The following TNFRSF10A variants were observed in gnomAD, a reference collection of about 807,000 sequenced individuals.
TNFRSF10A encodes the protein tumor necrosis factor receptor superfamily member 10A.
Under a neutral mutation model 42.8 loss-of-function variants are expected in TNFRSF10A, and 44 were observed. That is an observed-to-expected ratio of 1.03 (90% CI 0.81 to 1.32). The LOEUF (loss-of-function observed/expected upper bound fraction) is 1.32. TNFRSF10A is among the 40% of genes most tolerant of loss of function. The pLI is 0.00. For missense variants in TNFRSF10A, 680 were observed against 602.0 expected, an observed-to-expected ratio of 1.13 and a Z score of -1.36; for synonymous variants, 259 against 234.2, an observed-to-expected ratio of 1.11 and a Z score of -0.97.
At chr8:23,207,255 T>C in intron 2 of TNFRSF10A, 2 of 595,818 alleles carry the variant, frequency 3.4e-6, no homozygotes, top group South Asian at 2.7e-5. Flanking sequence ...CTATGATGTT[T>C]ATGTGGCCAA....
chr8:23,199,762 C>G, intron 7 of TNFRSF10A, 124 bp downstream of exon 7: 2 of 1,352,454 alleles, frequency 1.5e-6, no homozygotes, highest in Non-Finnish European at 2.1e-6. Flanking sequence ...GCACAGCATC[C>G]AGGCCACTTC....
chr8:23,211,123 T>C (rs1235399565), intron 2 of TNFRSF10A, among the ~76,000 whole-genome samples: 1 of 152,172 alleles, frequency 6.6e-6, no homozygotes, highest in Non-Finnish European at 1.5e-5. Context: ...ACTTTCTCTA[T>C]TTGCAAATTA....
At chr8:23,211,004 G>T (rs557920170) in intron 2 of TNFRSF10A, among the ~76,000 whole-genome samples, 2 of 152,274 alleles carry the variant, frequency 1.3e-5, no homozygotes, top group African/African-American at 4.8e-5. Flanking sequence ...CTCCAAAAAA[G>T]ATATCTGTTT....
chr8:23,214,526 A>G (rs550230905), intron 1 of TNFRSF10A, among the ~76,000 whole-genome samples: 50 of 151,866 alleles, frequency 3.3e-4, no homozygotes, highest in Non-Finnish European at 6.2e-4. Flanking sequence ...TAATTTTCAC[A>G]TATTTGTGGA....
At chr8:23,193,258 T>C (rs937867239) in intron 9 of TNFRSF10A, among the ~76,000 whole-genome samples, 1 of 152,116 alleles carries the variant, frequency 6.6e-6, no homozygotes, top group Admixed American at 6.5e-5. Context: ...TCTGCTGCCA[T>C]GGGCCAGGAG....
At chr8:23,206,391 G>A (rs556631543) in intron 2 of TNFRSF10A, among the ~76,000 whole-genome samples, 152 of 152,122 alleles carry the variant, frequency 1.0e-3, no homozygotes, top group Non-Finnish European at 1.9e-3. Context: ...CTCCATTCAT[G>A]GTAAGTGCCC....
chr8:23,219,561 G>A (rs535175725), intron 1 of TNFRSF10A, among the ~76,000 whole-genome samples: 4 of 152,306 alleles, frequency 2.6e-5, no homozygotes, highest in South Asian at 2.1e-4. Context: ...TGCCACCATC[G>A]AAGTGCTGAA....
intron 1 of TNFRSF10A, among the ~76,000 whole-genome samples, chr8:23,215,483 G>C (rs1452004093): frequency 6.6e-6 from 1 of 152,042 alleles, no homozygotes; most frequent in African/African-American, 2.4e-5. Flanking sequence ...ACCCCGGCCT[G>C]CATGACAGAG....
intron 1 of TNFRSF10A, among the ~76,000 whole-genome samples, chr8:23,215,522 C>CTAAA (rs1369629840): frequency 2.8e-5 from 2 of 71,054 alleles, no homozygotes; most frequent in African/African-American, 1.2e-4. Context: ...AATAGCATAA[C>CTAAA]TAAATAAATA....
rs755952398 is a variant in TNFRSF10A, at chr8:23,224,875, C to T, written c.187G>A (p.Gly63Arg). ...CCTGCCCGGGCCCGGGCACTGGGTCCGTGCTGTCCCATGGAGGTAGGGAGC... is the reference window on the plus strand; with the variant it reads ...CCTGCCCGGGCCCGGGCACTGGGTCTGTGCTGTCCCATGGAGGTAGGGAGC... ...GALPTSMGQH[G>R]PSARARAGRA... The change falls in exon 1 of 10, where the codon GGA (glycine) becomes AGA (arginine). Residue 63 changes from glycine (G) to arginine (R), a missense_variant. By Grantham distance (125) the Gly-to-Arg change is moderately radical (BLOSUM62 -2). Transcript: ENST00000221132. 3.2e-6 allele frequency: 5 copies of T among 1,580,020 alleles called. No individual in the cohort carries two copies. In the South Asian group the frequency reaches 4.6e-5, roughly 15 times the overall value.
intron 2 of TNFRSF10A, among the ~76,000 whole-genome samples, chr8:23,206,516 T>C (rs1193190258): frequency 1.3e-5 from 2 of 152,252 alleles, no homozygotes; most frequent in Non-Finnish European, 2.9e-5. Flanking sequence ...TGTCTACTAG[T>C]ACAGGTTTGT....
chr8:23,212,806 T>C (rs1801108951), intron 1 of TNFRSF10A, among the ~76,000 whole-genome samples: 1 of 152,226 alleles, frequency 6.6e-6, no homozygotes, highest in South Asian at 2.1e-4. Flanking sequence ...AGCCAACAGC[T>C]ACCATCCTAC....
chr8:23,225,009 G>C lies in TNFRSF10A; in HGVS notation c.53C>G (p.Pro18Arg), dbSNP rs1349682672. ...CCCACTCGCTGCGCTCCCGGGATTC[G>C]GAGTCACTGCCAGGAACGCACCTAG... ...VHLGAFLAVT[P>R]NPGSAASGTE... Residue 18 changes from proline (P) to arginine (R), a missense_variant, in exon 1 of 10, where the codon CCG becomes CGG. Transcript: ENST00000221132. 1 of 1,586,686 alleles carries C rather than the reference G, an allele frequency of 6.3e-7. No homozygotes were observed. The highest frequency in any genetic ancestry group is 2.3e-5 in the East Asian group (1 of 44,290).
At chr8:23,199,551 T>G in intron 7 of TNFRSF10A, 103 bp from the exon 8 acceptor site, 1 of 1,404,852 alleles carries the variant, frequency 7.1e-7, no homozygotes, top group Non-Finnish European at 9.7e-7. Flanking sequence ...CCCAGTGAGG[T>G]CACTCCAGGA....
At chr8:23,224,526 G>C (rs1801305573) in intron 1 of TNFRSF10A, 1 of 564,678 alleles carries the variant, frequency 1.8e-6, no homozygotes, top group African/African-American at 2.0e-5. Context: ...TGGAGTCCCC[G>C]GGCCCAGCCT....
At position 23,217,548 on chromosome 8, in the gene TNFRSF10A, T is replaced by TA. The variant is rs1184471439; in HGVS notation, c.307-5337dup. Among the ~76,000 whole-genome samples the TA allele has an allele frequency of 4.3e-4, 65 of 151,454 alleles. 1 individual carries two copies. Among genetic ancestry groups the TA allele is most frequent in the Middle Eastern group, 6.9e-3 (2 of 288 alleles). On this transcript the variant is annotated intron_variant, in intron 1 of 9. Coordinates refer to ENST00000221132, the MANE Select transcript of TNFRSF10A (RefSeq NM_003844.4). ...ACTTCTAACACTAAAAATAGTACCT[T>TA]AAAAAAAAATCTCTACTAATAGCAA...
At chr8:23,224,085 G>A (rs558484175) in intron 1 of TNFRSF10A, among the ~76,000 whole-genome samples, 80 of 152,258 alleles carry the variant, frequency 5.3e-4, no homozygotes, top group African/African-American at 1.8e-3. Context: ...CCAGCACTTT[G>A]GGAGGCCGAG....
At chr8:23,203,536 C>A (rs867668707) in intron 2 of TNFRSF10A, among the ~76,000 whole-genome samples, 1 of 152,204 alleles carries the variant, frequency 6.6e-6, no homozygotes, top group Non-Finnish European at 1.5e-5. Flanking sequence ...TCTGGAGGCT[C>A]GACCTTCACC....
At chr8:23,222,070 G>T (rs1259243252) in intron 1 of TNFRSF10A, among the ~76,000 whole-genome samples, 1 of 151,968 alleles carries the variant, frequency 6.6e-6, no homozygotes, top group Non-Finnish European at 1.5e-5. Context: ...GTAGAGACGG[G>T]GTTTCACCGT....
Sources: gnomAD v4.1 joint callset for allele counts (sites outside exome capture counted in the v4.1 genomes callset) on GRCh38, gnomAD v4.1.1 for gene constraint, MANE v1.5 for transcripts, NCBI Gene and HGNC (gene_info 2026-07-23, HGNC 2026-07-21) for gene names.